The following KCNQ1 variants were observed in gnomAD, a reference collection of about 807,000 sequenced individuals.
KCNQ1 encodes potassium voltage-gated channel subfamily KQT member 1.
Under a neutral mutation model 72.4 loss-of-function variants are expected in KCNQ1, and 49 were observed. That is an observed-to-expected ratio of 0.68 (90% CI 0.54 to 0.86). KCNQ1 has a LOEUF of 0.86. KCNQ1 is among the 40% of genes least tolerant of loss of function. The pLI, the probability that KCNQ1 is intolerant of heterozygous loss-of-function variation, is 0.00. For missense variants in KCNQ1, 790 were observed against 945.1 expected, an observed-to-expected ratio of 0.84 and a Z score of 2.15; for synonymous variants, 450 against 412.6, an observed-to-expected ratio of 1.09 and a Z score of -1.10.
At position 2,848,444 on chromosome 11, in the gene KCNQ1, C is replaced by G. The variant is rs775070916; in HGVS notation, c.*441C>G. On this transcript the variant is annotated 3_prime_UTR_variant, in exon 16 of 16. Coordinates refer to ENST00000155840, the MANE Select transcript of KCNQ1 (RefSeq NM_000218.3). Reference sequence around the variant, plus strand: ...CTCAAATCCAGGACCCTGCCAGGCACAGGCAGGGCAGGACCAGCCCACGCT... The same window carrying G: ...CTCAAATCCAGGACCCTGCCAGGCAGAGGCAGGGCAGGACCAGCCCACGCT... 2.2e-5 allele frequency: 10 copies of G among 463,624 alleles called. No homozygotes were observed. Among genetic ancestry groups the G allele is most frequent in the South Asian group, 1.6e-4 (10 of 64,426 alleles). 28.7% of individuals were successfully genotyped at this position (463,624 alleles called of 1,614,324 possible).
At chr11:2,587,041 C>A (rs973081627) in intron 8 of KCNQ1, among the ~76,000 whole-genome samples, 1 of 152,166 alleles carries the variant, frequency 6.6e-6, no homozygotes, top group Non-Finnish European at 1.5e-5. Flanking sequence ...GAGGCTCCCC[C>A]AACTGCAAGG....
Position 2,704,022 on chromosome 11 carries a change from T to C in KCNQ1, c.1514+41941T>C, listed in dbSNP as rs1311492769. On this transcript the variant is annotated intron_variant, in intron 11 of 15. Transcript: ENST00000155840. The surrounding 1 kb of genome is among the most constrained non-coding windows in gnomAD (Gnocchi z 4.3). ...CTCAGGGTTATCCCTGAGTGGCTGA[T>C]GCATTGCCAGGAAGCCTGCTCTTAA... Among the ~76,000 whole-genome samples the C allele has an allele frequency of 2.0e-5, 3 of 152,240 alleles. No individual in the cohort carries two copies. Among genetic ancestry groups the C allele is most frequent in the Non-Finnish European group, 4.4e-5 (3 of 68,038 alleles).
chr11:2,833,859 G>A (rs1434411404), intron 15 of KCNQ1, among the ~76,000 whole-genome samples: 2 of 152,228 alleles, frequency 1.3e-5, no homozygotes, highest in African/African-American at 2.4e-5. Flanking sequence ...GACAGGCTGA[G>A]GAGCGGCGGG....
rs1452060599 is a variant in KCNQ1, at chr11:2,748,140, G to A, written c.1515-20704G>A. ...TGGCCAGTGCAGCACTATCCTCAGTGGCCTGGGACACCCAGAACTGGCCAG... is the reference window on the plus strand; with the variant it reads ...TGGCCAGTGCAGCACTATCCTCAGTAGCCTGGGACACCCAGAACTGGCCAG... On this transcript the variant is annotated intron_variant, in intron 11 of 15. Coordinates refer to ENST00000155840, the MANE Select transcript of KCNQ1 (RefSeq NM_000218.3). The surrounding 1 kb of genome is among the most constrained non-coding windows in gnomAD (Gnocchi z 6.2). Among the ~76,000 whole-genome samples, 1 of 152,120 alleles carries A rather than the reference G, an allele frequency of 6.6e-6. No homozygotes were observed. The highest frequency in any genetic ancestry group is 1.5e-5 in the Non-Finnish European group (1 of 67,996).
chr11:2,638,960 C>T (rs1019227224), intron 10 of KCNQ1: 1 of 152,148 alleles, frequency 6.6e-6, no homozygotes, highest in Non-Finnish European at 1.5e-5. Context: ...TCATTTCATT[C>T]ATTTGATCTT....
chr11:2,496,503 T>TTTTTTTTTTG (rs1846922275), intron 1 of KCNQ1, among the ~76,000 whole-genome samples: 1 of 113,132 alleles, frequency 8.8e-6, no homozygotes, highest in African/African-American at 3.2e-5. Context: ...TGCTTTTTTT[T>TTTTTTTTTTG]TTTTTTTTTT....
At chr11:2,485,189 G>A (rs921540512) in intron 1 of KCNQ1, among the ~76,000 whole-genome samples, 3 of 152,158 alleles carry the variant, frequency 2.0e-5, no homozygotes, top group African/African-American at 7.2e-5. Context: ...TATCTGTTAG[G>A]TTGGTATTCC....
chr11:2,620,198 T>C lies in KCNQ1; in HGVS notation c.1393+31344T>C, dbSNP rs899194198. The C allele has an allele frequency of 1.1e-4, 37 of 323,738 alleles. 1 individual carries two copies. The highest frequency in any genetic ancestry group is 9.1e-4 in the East Asian group (19 of 20,870). The allele number at this position is 323,738 out of a possible 1,614,324, so 20.1% of individuals were successfully genotyped here. On this transcript the variant is annotated intron_variant, in intron 10 of 15. Transcript: ENST00000155840. The surrounding 1 kb of genome is among the most constrained non-coding windows in gnomAD (Gnocchi z 4.5). Reference sequence around the variant, plus strand: ...GCTGCAAAGGACGTAAGTTCATTCATGTATATATATATATTTTTTTTTTTT... The same window carrying C: ...GCTGCAAAGGACGTAAGTTCATTCACGTATATATATATATTTTTTTTTTTT...
rs1845712568 is a variant in KCNQ1, at chr11:2,723,790, C to A, written c.1515-45054C>A. Among the ~76,000 whole-genome samples, 1 of 151,526 alleles carries A rather than the reference C, an allele frequency of 6.6e-6. No homozygotes were observed. Among genetic ancestry groups the A allele is most frequent in the Non-Finnish European group, 1.5e-5 (1 of 68,032 alleles). ...CCGCTGGTGGCCGCAGGGTTCCCAG[C>A]CACTCGGTGCACATGTACTCCAGCC... On this transcript the variant is annotated intron_variant, in intron 11 of 15. Transcript: ENST00000155840. The surrounding 1 kb of genome is among the most constrained non-coding windows in gnomAD (Gnocchi z 4.2).
At chr11:2,786,057 A>G (rs1223719356) in intron 15 of KCNQ1, among the ~76,000 whole-genome samples, 1 of 151,856 alleles carries the variant, frequency 6.6e-6, no homozygotes, top group Non-Finnish European at 1.5e-5. Flanking sequence ...GTCATTTGTT[A>G]TTTCTTTTTT....
chr11:2,747,653 G>C (rs1267404784), intron 11 of KCNQ1, among the ~76,000 whole-genome samples: 1 of 152,240 alleles, frequency 6.6e-6, no homozygotes, highest in Non-Finnish European at 1.5e-5. Context: ...AGGAAAGGAA[G>C]ATGGCTTTGG....
rs1028760503 is a variant in KCNQ1, at chr11:2,847,593, G to A, written c.1795-174G>A. On this transcript the variant is annotated intron_variant, in intron 15 of 15. Transcript: ENST00000155840. ...ACATTCCTTGCACACACACAGGCGC[G>A]ACCGAGGGCCTTGCAGACATAGGGT... 8.5e-5 allele frequency among the ~76,000 whole-genome samples: 13 copies of A among 152,318 alleles called. 1 individual carries two copies. Among genetic ancestry groups the A allele is most frequent in the African/African-American group, 1.4e-4 (6 of 41,572 alleles).
At chr11:2,791,230 C>G (rs1847015710) in intron 15 of KCNQ1, among the ~76,000 whole-genome samples, 1 of 152,154 alleles carries the variant, frequency 6.6e-6, no homozygotes, top group Non-Finnish European at 1.5e-5. Flanking sequence ...TGGCCGGAGC[C>G]CGCAGCGGCC....
Position 2,659,543 on chromosome 11 carries a change from T to C in KCNQ1, c.1394-2418T>C, listed in dbSNP as rs1218277950. On this transcript the variant is annotated intron_variant, in intron 10 of 15. Transcript: ENST00000155840. This position sits in a 1 kb window ranked among gnomAD's most constrained non-coding sequence, Gnocchi z 4.3. ...CTTCATTGTTTCCAGTATTTGGTAA[T>C]TATGAGCAGAGTTACTATACACATT... 2.5e-6 allele frequency: 1 copy of C among 398,470 alleles called. No individual in the cohort carries two copies. The highest frequency in any genetic ancestry group is 2.1e-5 in the African/African-American group (1 of 48,654). 24.7% of individuals were successfully genotyped at this position (398,470 alleles called of 1,614,324 possible). A position where few individuals can be genotyped will look rare whatever the true frequency, so the allele number is the denominator to read the frequency against.
rs1197593422 is a variant in KCNQ1 at position 2,536,080 on chromosome 11, C to G, written c.477+8062C>G. Among the ~76,000 whole-genome samples, 1 of 152,168 alleles carries G rather than the reference C, an allele frequency of 6.6e-6. No homozygotes were observed. Among genetic ancestry groups the G allele is most frequent in the East Asian group, 1.9e-4 (1 of 5,174 alleles). On this transcript the variant is annotated intron_variant, in intron 2 of 15. Coordinates refer to ENST00000155840, the MANE Select transcript of KCNQ1 (RefSeq NM_000218.3). The surrounding 1 kb of genome is among the most constrained non-coding windows in gnomAD (Gnocchi z 7.4). ...CTCTGCCGAGCACACCCGCTGCTGT[C>G]CCCAGCCACCCAGCCCCATGCACAG...
Position 2,775,285 on chromosome 11 carries a change from A to G in KCNQ1, c.1591-675A>G, listed in dbSNP as rs138838254. Among the ~76,000 whole-genome samples the G allele has an allele frequency of 8.6e-4, 131 of 152,260 alleles. 1 individual carries two copies. Among genetic ancestry groups the G allele is most frequent in the Admixed American group, 2.3e-3 (35 of 15,298 alleles). On this transcript the variant is annotated intron_variant, in intron 12 of 15. Transcript: ENST00000155840. ...GGTTTCAAGATGTCACCTGAGTCCC[A>G]CTTATAGGCTTAGAGCTGGCAACAA...
intron 11 of KCNQ1, among the ~76,000 whole-genome samples, chr11:2,727,847 C>T (rs1024754904): frequency 1.3e-5 from 2 of 152,136 alleles, no homozygotes; most frequent in Non-Finnish European, 1.5e-5. Context: ...GGGGCAGGGA[C>T]GTGGCCAGGC....
At chr11:2,799,108 C>T (rs966327120) in intron 15 of KCNQ1, among the ~76,000 whole-genome samples, 3 of 152,158 alleles carry the variant, frequency 2.0e-5, no homozygotes, top group Non-Finnish European at 2.9e-5. Flanking sequence ...CACCAGCTGG[C>T]GAGGGGCAAA....
At chr11:2,820,574 G>A (rs1303961497) in intron 15 of KCNQ1, among the ~76,000 whole-genome samples, 1 of 152,084 alleles carries the variant, frequency 6.6e-6, no homozygotes, top group Non-Finnish European at 1.5e-5. Flanking sequence ...CTGTTTGTTT[G>A]TTTGTTTGTT....
Sources: allele counts gnomAD v4.1 joint callset (sites outside exome capture counted in the v4.1 genomes callset), GRCh38; gene constraint gnomAD v4.1.1; non-coding constraint Gnocchi (gnomAD v3.1); transcripts MANE v1.5; gene names NCBI Gene and HGNC (gene_info 2026-07-23, HGNC 2026-07-21).